DCDC1: variants seen among roughly 807,000 people sequenced by gnomAD.
DCDC1 encodes doublecortin domain-containing protein 1.
A neutral mutation model predicts 178.3 loss-of-function variants in DCDC1; 200 were observed. The ratio of observed to expected loss-of-function variants is 1.12; its 90% confidence interval spans 1.00 to 1.26. The LOEUF (loss-of-function observed/expected upper bound fraction) is 1.26. Ranked by LOEUF, DCDC1 falls within the 50% of genes most tolerant of loss-of-function variation. The pLI is 0.00. For synonymous variants in DCDC1, 690 were observed against 604.8 expected (o/e 1.14, Z -2.07); for missense variants, 1,983 against 1,749.2 (o/e 1.13, Z -2.38).
At chr11:31,213,627 G>A (rs1254071958) in intron 9 of DCDC1, among the ~76,000 whole-genome samples, 1 of 151,822 alleles carries the variant, frequency 6.6e-6, no homozygotes, top group Non-Finnish European at 1.5e-5. Context: ...GGCTGAGGCA[G>A]GAGAATCACT....
intron 17 of DCDC1, 33 bp downstream of exon 17, chr11:31,091,360 A>G: frequency 1.4e-6 from 1 of 702,662 alleles, no homozygotes; most frequent in Non-Finnish European, 2.6e-6. Flanking sequence ...ATTAGCATTT[A>G]TTATCTTGAG....
chr11:31,364,858 AG>A (rs1951883262), intron 1 of DCDC1, among the ~76,000 whole-genome samples: 1 of 151,966 alleles, frequency 6.6e-6, no homozygotes, highest in Non-Finnish European at 1.5e-5. Context: ...AAAAGAAGAA[AG>A]GAAGTTTCTT....
At chr11:31,071,974 C>T (rs1347776275) in intron 18 of DCDC1, among the ~76,000 whole-genome samples, 1 of 152,176 alleles carries the variant, frequency 6.6e-6, no homozygotes, top group Non-Finnish European at 1.5e-5. Context: ...GGTTCCTGGC[C>T]TACCAAAACT....
intron 9 of DCDC1, among the ~76,000 whole-genome samples, chr11:31,201,376 AT>A (rs1356639468): frequency 6.6e-6 from 1 of 151,956 alleles, no homozygotes; most frequent in Non-Finnish European, 1.5e-5. Flanking sequence ...CATCTGTCAT[AT>A]GACAAAAATA....
At chr11:30,913,756 C>T (rs1450154569) in intron 27 of DCDC1, among the ~76,000 whole-genome samples, 2 of 152,198 alleles carry the variant, frequency 1.3e-5, no homozygotes, top group African/African-American at 4.8e-5. Context: ...GAGTTTTAGG[C>T]AGACAGACAC....
chr11:31,208,702 C>A (rs1972146167), intron 9 of DCDC1, among the ~76,000 whole-genome samples: 1 of 152,160 alleles, frequency 6.6e-6, no homozygotes, highest in Admixed American at 6.5e-5. Flanking sequence ...AGTCCAACAG[C>A]CTTATTCCTC....
intron 20 of DCDC1, among the ~76,000 whole-genome samples, chr11:31,014,081 G>A (rs1952335548): frequency 6.6e-6 from 1 of 152,130 alleles, no homozygotes; most frequent in Admixed American, 6.5e-5. Flanking sequence ...ACCGTATTTG[G>A]AGACAGGGTC....
At chr11:31,138,613 A>T (rs1963444302) in intron 9 of DCDC1, among the ~76,000 whole-genome samples, 1 of 152,124 alleles carries the variant, frequency 6.6e-6, no homozygotes, top group African/African-American at 2.4e-5. Context: ...ATATTTCCTT[A>T]TTGAGGATTG....
chr11:31,137,622 A>G, intron 10 of DCDC1, 70 bp downstream of exon 10: 1 of 665,202 alleles, frequency 1.5e-6, no homozygotes, highest in Non-Finnish European at 2.7e-6. Flanking sequence ...TGCGGGGATT[A>G]CAGGCGTAAG....
chr11:31,165,576 G>A (rs1966707531), intron 9 of DCDC1, among the ~76,000 whole-genome samples: 1 of 152,186 alleles, frequency 6.6e-6, no homozygotes, highest in Non-Finnish European at 1.5e-5. Flanking sequence ...CTCCCAAAAT[G>A]CTGGGATTAC....
At chr11:31,191,760 A>T (rs563313550) in intron 9 of DCDC1, among the ~76,000 whole-genome samples, 1 of 152,256 alleles carries the variant, frequency 6.6e-6, no homozygotes, top group South Asian at 2.1e-4. Context: ...GCTTTGCTCC[A>T]GTCTAGTAGG....
chr11:31,187,437 T>C (rs1969637757), intron 9 of DCDC1, among the ~76,000 whole-genome samples: 1 of 152,190 alleles, frequency 6.6e-6, no homozygotes, highest in South Asian at 2.1e-4. Flanking sequence ...CAGGAAATTA[T>C]TGGCAAGAAC....
At chr11:31,313,117 T>C (rs1948866209) in intron 3 of DCDC1, among the ~76,000 whole-genome samples, 2 of 152,200 alleles carry the variant, frequency 1.3e-5, no homozygotes, top group South Asian at 2.1e-4. Flanking sequence ...ATATTTGCTA[T>C]TTGTTTTCTG....
At chr11:30,970,279 C>T (rs570003526) in intron 20 of DCDC1, among the ~76,000 whole-genome samples, 3 of 152,112 alleles carry the variant, frequency 2.0e-5, no homozygotes, top group Non-Finnish European at 4.4e-5. Flanking sequence ...ATGCTGGTTC[C>T]CCAAGTCCTA....
At chr11:30,903,197 T>C (rs923600603) in intron 32 of DCDC1, among the ~76,000 whole-genome samples, 4 of 152,108 alleles carry the variant, frequency 2.6e-5, no homozygotes, top group African/African-American at 4.8e-5. Flanking sequence ...AAAAAATGAT[T>C]ATGTTCCATA....
chr11:31,306,144 A>G, intron 5 of DCDC1, 88 bp downstream of exon 5: 1 of 1,231,272 alleles, frequency 8.1e-7, no homozygotes, highest in Non-Finnish European at 1.1e-6. Flanking sequence ...CAAAAAGAAA[A>G]TATTAACAAT....
At chr11:31,176,786 T>A (rs1454156888) in intron 9 of DCDC1, among the ~76,000 whole-genome samples, 2 of 152,066 alleles carry the variant, frequency 1.3e-5, no homozygotes, top group African/African-American at 4.8e-5. Flanking sequence ...CAGCAAAGAA[T>A]ACTATATCCA....
intron 9 of DCDC1, among the ~76,000 whole-genome samples, chr11:31,147,846 C>A (rs767300370): frequency 1.1e-4 from 16 of 152,216 alleles, no homozygotes; most frequent in Non-Finnish European, 1.8e-4. Context: ...TCACTCCAGA[C>A]ATCTCGATCT....
At chr11:30,974,598 C>G (rs1028612986) in intron 20 of DCDC1, among the ~76,000 whole-genome samples, 1 of 152,064 alleles carries the variant, frequency 6.6e-6, no homozygotes, top group Non-Finnish European at 1.5e-5. Flanking sequence ...CATTCGCAAA[C>G]TGGAAAACCT....
Sources: gnomAD v4.1 joint callset for allele counts (sites outside exome capture counted in the v4.1 genomes callset) on GRCh38, gnomAD v4.1.1 for gene constraint, MANE v1.5 for transcripts, NCBI Gene and HGNC (gene_info 2026-07-23, HGNC 2026-07-21) for gene names.